Variants in CRTAM observed in about 807,000 individuals in gnomAD.
CRTAM encodes cytotoxic and regulatory T cell molecule, also known as cytotoxic and regulatory T-cell molecule.
Under a neutral mutation model 50.0 loss-of-function variants are expected in CRTAM, and 44 were observed. The ratio of observed to expected loss-of-function variants is 0.88; its 90% CI spans 0.69 to 1.13. CRTAM has a LOEUF of 1.13. CRTAM is among the 50% of genes most tolerant of loss of function. The probability of loss-of-function intolerance (pLI) is 0.00; values close to 1 mark genes in which losing one functional copy is unlikely to be tolerated. For missense variants in CRTAM, 448 were observed against 457.5 expected, an observed-to-expected ratio of 0.98 and a Z score of 0.19; for synonymous variants, 159 against 169.3, an observed-to-expected ratio of 0.94 and a Z score of 0.47.
At chr11:122,841,508 C>G (rs1861798465) in intron 1 of CRTAM, among the ~76,000 whole-genome samples, 1 of 151,334 alleles carries the variant, frequency 6.6e-6, no homozygotes, top group South Asian at 2.1e-4. Flanking sequence ...TGACGCCATT[C>G]TCCTGCCTCA....
chr11:122,866,852 C>A (rs181966288), intron 7 of CRTAM, among the ~76,000 whole-genome samples: 1 of 151,934 alleles, frequency 6.6e-6, no homozygotes, highest in Non-Finnish European at 1.5e-5. Context: ...CTCAAGCAAC[C>A]CTCCCATCCC....
rs533350554 is a variant in CRTAM at position 122,842,526 on chromosome 11, G to C, written c.46+3934G>C. Among the ~76,000 whole-genome samples, 433 of 152,220 alleles carry C rather than the reference G, an allele frequency of 2.8e-3. 3 individuals are homozygous for C. Among genetic ancestry groups the C allele is most frequent in the African/African-American group, 0.01 (421 of 41,526 alleles). ...ACTCCTGACCTCAGGAGATCCACCC[G>C]CCTCGGCCTCCCAAAGTGCTGGGAT... is the stretch of plus-strand genomic sequence containing the variant. On this transcript the variant is annotated intron_variant, in intron 1 of 9. Coordinates refer to ENST00000227348, the MANE Select transcript of CRTAM (RefSeq NM_019604.4).
At chr11:122,857,936 G>T (rs1862025888) in intron 5 of CRTAM, among the ~76,000 whole-genome samples, 1 of 152,044 alleles carries the variant, frequency 6.6e-6, no homozygotes, top group African/African-American at 2.4e-5. Context: ...TTTGAGACAG[G>T]GTCTCACTCT....
intron 1 of CRTAM, among the ~76,000 whole-genome samples, chr11:122,840,508 G>A (rs942714207): frequency 6.6e-6 from 1 of 152,108 alleles, no homozygotes; most frequent in African/African-American, 2.4e-5. Flanking sequence ...TCACAATTTG[G>A]AGGATTCAAT....
Position 122,838,532 on chromosome 11 carries a change from G to A in CRTAM, c.-15G>A. On this transcript the variant is annotated 5_prime_UTR_variant, in exon 1 of 10. Coordinates refer to ENST00000227348, the MANE Select transcript of CRTAM (RefSeq NM_019604.4). ...AGAGGAAGTTGACAAAGGTGCCACA[G>A]CAGCACAGCACAGTATGTGGTGGAG... 6.2e-7 allele frequency: 1 copy of A among 1,613,474 alleles called. No individual in the cohort carries two copies. Among genetic ancestry groups the A allele is most frequent in the Non-Finnish European group, 8.5e-7 (1 of 1,179,678 alleles).
At chr11:122,858,892 A>AT (rs1430634815) in intron 5 of CRTAM, among the ~76,000 whole-genome samples, 1 of 152,058 alleles carries the variant, frequency 6.6e-6, no homozygotes, top group Non-Finnish European at 1.5e-5. Context: ...TGGGGATAGG[A>AT]TTTTTTAAAT....
intron 9 of CRTAM, among the ~76,000 whole-genome samples, chr11:122,868,820 A>C (rs889257289): frequency 1.3e-5 from 2 of 152,146 alleles, no homozygotes; most frequent in African/African-American, 4.8e-5. Context: ...CATCCTGGCT[A>C]ACACAGTGAA....
chr11:122,850,233 G>GA lies in CRTAM; in HGVS notation c.193+25dup. The GA allele has an allele frequency of 3.2e-6, 5 of 1,575,264 alleles. No homozygotes were observed. The highest frequency in any genetic ancestry group is 4.5e-5 in the East Asian group (2 of 44,222). On this transcript the variant is annotated intron_variant, in intron 2 of 9. Transcript: ENST00000227348. Reference sequence around the variant, plus strand: ...TATCCTGGTAAGTGAAAGAAAGAAAGAAAAAATGCCACCAGACCTTAACCT... The same window carrying GA: ...TATCCTGGTAAGTGAAAGAAAGAAAGAAAAAAATGCCACCAGACCTTAACCT...
At chr11:122,868,505 C>G (rs1862212346) in intron 9 of CRTAM, among the ~76,000 whole-genome samples, 1 of 152,046 alleles carries the variant, frequency 6.6e-6, no homozygotes, top group African/African-American at 2.4e-5. Context: ...TGATTTTGTT[C>G]TTTCTGGGCC....
chr11:122,853,396 G>C (rs1246347744), intron 3 of CRTAM, among the ~76,000 whole-genome samples: 1 of 150,852 alleles, frequency 6.6e-6, no homozygotes, highest in Non-Finnish European at 1.5e-5. Context: ...AAGAATTGTT[G>C]CTACATTGCT....
intron 5 of CRTAM, 51 bp from the exon 6 acceptor site, chr11:122,862,413 G>C: frequency 1.8e-6 from 2 of 1,110,190 alleles, no homozygotes; most frequent in Non-Finnish European, 2.8e-6. Flanking sequence ...AGCACAATGT[G>C]GGTAAAACTG....
intron 5 of CRTAM, among the ~76,000 whole-genome samples, chr11:122,856,925 C>G (rs1309276466): frequency 6.6e-6 from 1 of 152,100 alleles, no homozygotes; most frequent in Non-Finnish European, 1.5e-5. Context: ...TCATCCCCAC[C>G]CCACGCCTCC....
intron 1 of CRTAM, among the ~76,000 whole-genome samples, chr11:122,842,972 A>G (rs1861817497): frequency 6.6e-6 from 1 of 152,184 alleles, no homozygotes; most frequent in Non-Finnish European, 1.5e-5. Context: ...AATTTATTGC[A>G]TGTAAAAACT....
At chr11:122,850,401 G>A (rs1861915942) in intron 2 of CRTAM, among the ~76,000 whole-genome samples, 187 bp downstream of exon 2, 1 of 152,174 alleles carries the variant, frequency 6.6e-6, no homozygotes, top group African/African-American at 2.4e-5. Context: ...CTGGGGGCAG[G>A]AACTGTGAAA....
At chr11:122,867,599 C>A in intron 8 of CRTAM, 44 bp downstream of exon 8, 6 of 1,574,674 alleles carry the variant, frequency 3.8e-6, no homozygotes, top group South Asian at 3.5e-5. Context: ...GACGCCAGAA[C>A]AAATGGCTAA....
chr11:122,859,185 T>G (rs1432769750), intron 5 of CRTAM, among the ~76,000 whole-genome samples: 1 of 152,200 alleles, frequency 6.6e-6, no homozygotes, highest in African/African-American at 2.4e-5. Flanking sequence ...CTCAGCTCAC[T>G]GCAACTTCCG....
chr11:122,859,275 A>T (rs1862041987), intron 5 of CRTAM, among the ~76,000 whole-genome samples: 1 of 151,760 alleles, frequency 6.6e-6, no homozygotes, highest in African/African-American at 2.4e-5. Flanking sequence ...CACCTGGCTA[A>T]TTTTTTTGTA....
At chr11:122,857,686 T>G (rs1164638493) in intron 5 of CRTAM, among the ~76,000 whole-genome samples, 5 of 152,202 alleles carry the variant, frequency 3.3e-5, no homozygotes, top group African/African-American at 1.2e-4. Flanking sequence ...AAAATATTAC[T>G]AGCTGAGGAT....
intron 1 of CRTAM, among the ~76,000 whole-genome samples, chr11:122,849,175 G>A (rs576006283): frequency 4.9e-4 from 74 of 152,280 alleles, no homozygotes; most frequent in South Asian, 3.1e-3. Context: ...AGAGCACCAC[G>A]ATTATAACAT....
Sources: gnomAD v4.1 joint callset for allele counts (sites outside exome capture counted in the v4.1 genomes callset) on GRCh38, gnomAD v4.1.1 for gene constraint, MANE v1.5 for transcripts, NCBI Gene and HGNC (gene_info 2026-07-23, HGNC 2026-07-21) for gene names.